Variants in PDE1C observed in about 807,000 individuals in gnomAD.
The protein encoded by PDE1C is dual specificity calcium/calmodulin-dependent 3',5'-cyclic nucleotide phosphodiesterase 1C.
PDE1C carries 62 observed loss-of-function variants against 93.1 expected under a neutral mutation model. The observed-to-expected ratio is 0.67, with a 90% CI of 0.54 to 0.82. The LOEUF is 0.82. Ranked by LOEUF, PDE1C falls within the 40% of genes least tolerant of loss-of-function variation. The pLI, the probability that PDE1C is intolerant of heterozygous loss-of-function variation, is 0.00. For missense variants in PDE1C, 742 were observed against 884.6 expected (o/e 0.84, Z 2.04); for synonymous variants, 325 against 310.1 (o/e 1.05, Z -0.50).
the PDE1C span, among the ~76,000 whole-genome samples, chr7:31,724,132 C>T: frequency 1.9e-4 from 29 of 152,168 alleles, no homozygotes. Flanking sequence ...GTGCTGTTAT[C>T]CTGGCAACCA....
At chr7:31,794,713 C>T (rs1360163796) in intron 16 of PDE1C, among the ~76,000 whole-genome samples, 1 of 152,074 alleles carries the variant, frequency 6.6e-6, no homozygotes, top group South Asian at 2.1e-4. Flanking sequence ...GTCAACATCC[C>T]TGATTCACAG....
At chr7:32,302,291 G>A (rs555654797), upstream of PDE1C, among the ~76,000 whole-genome samples, 2 of 152,260 alleles carry the variant, frequency 1.3e-5, no homozygotes, top group Admixed American at 6.5e-5. Flanking sequence ...ATTCTAACAA[G>A]GAAGGACTCA....
the PDE1C span, among the ~76,000 whole-genome samples, chr7:31,660,926 C>T: frequency 6.6e-6 from 1 of 151,720 alleles, no homozygotes; most frequent in Non-Finnish European, 1.5e-5. Flanking sequence ...TATGTACACA[C>T]ACATATATGC....
upstream of PDE1C, chr7:32,070,865 G>A (rs1795980198): frequency 1.0e-6 from 1 of 986,102 alleles, no homozygotes; most frequent in African/African-American, 1.7e-5. Context: ...GGGAGCCGGC[G>A]CGGGCGGTGG....
At chr7:31,947,586 G>A (rs770689431) in intron 2 of PDE1C, among the ~76,000 whole-genome samples, 1 of 152,134 alleles carries the variant, frequency 6.6e-6, no homozygotes, top group East Asian at 1.9e-4. Flanking sequence ...ATCATTCACT[G>A]CTGCTAAGCA....
chr7:32,286,091 T>C (rs1811981654), intron 1 of PDE1C, among the ~76,000 whole-genome samples: 1 of 152,192 alleles, frequency 6.6e-6, no homozygotes, highest in South Asian at 2.1e-4. Context: ...GAATGAGCGG[T>C]TGTTTGAGCT....
chr7:31,912,181 T>C (rs1563019349), intron 2 of PDE1C, among the ~76,000 whole-genome samples: 1 of 152,108 alleles, frequency 6.6e-6, no homozygotes, highest in Non-Finnish European at 1.5e-5. Flanking sequence ...AACCTATTAG[T>C]TCTGAAACAA....
chr7:31,775,226 T>C (rs540689223), intron 17 of PDE1C, among the ~76,000 whole-genome samples: 1 of 152,332 alleles, frequency 6.6e-6, no homozygotes, highest in Non-Finnish European at 1.5e-5. Context: ...CTAATTCTTA[T>C]CTTCTCCCAA....
intron 1 of PDE1C, among the ~76,000 whole-genome samples, chr7:32,281,159 A>G (rs1211484350): frequency 1.3e-5 from 2 of 152,192 alleles, no homozygotes; most frequent in Admixed American, 6.5e-5. Flanking sequence ...AGATGAAGTA[A>G]GGATTTAAAT....
intron 1 of PDE1C, among the ~76,000 whole-genome samples, chr7:32,358,778 T>C (rs79308604): frequency 0.019 from 2,934 of 152,268 alleles, 108 homozygotes; most frequent in African/African-American, 0.066. Flanking sequence ...CAGGATCATA[T>C]AGTTGGCAAA....
At chr7:32,317,561 T>TA (rs1783201442) in intron 1 of PDE1C, among the ~76,000 whole-genome samples, 2 of 151,920 alleles carry the variant, frequency 1.3e-5, no homozygotes, top group Non-Finnish European at 1.5e-5. Context: ...ATAAGAGTGA[T>TA]AAAAAGACAT....
At chr7:31,666,241 A>C in the PDE1C span, among the ~76,000 whole-genome samples, 8 of 152,238 alleles carry the variant, frequency 5.3e-5, no homozygotes, top group African/African-American at 1.4e-4. Flanking sequence ...AATCCAATGA[A>C]GAAAACTGAA....
chr7:32,015,195 T>C (rs1033708668), intron 2 of PDE1C, among the ~76,000 whole-genome samples: 3 of 152,230 alleles, frequency 2.0e-5, no homozygotes, highest in African/African-American at 7.2e-5. Flanking sequence ...ATTAAACCTC[T>C]TCCCTTTATA....
intron 9 of PDE1C, among the ~76,000 whole-genome samples, chr7:31,838,517 T>A (rs1384810014): frequency 6.6e-6 from 1 of 152,274 alleles, no homozygotes; most frequent in African/African-American, 2.4e-5. Context: ...GAATCAATAT[T>A]GATACATTAT....
intron 2 of PDE1C, among the ~76,000 whole-genome samples, chr7:32,205,919 T>G (rs931405644): frequency 3.3e-5 from 5 of 152,136 alleles, no homozygotes; most frequent in African/African-American, 1.2e-4. Flanking sequence ...AGGAACAAAC[T>G]ATGGACACAC....
At chr7:32,405,589 T>G (rs1785037726) in intron 1 of PDE1C, among the ~76,000 whole-genome samples, 1 of 152,114 alleles carries the variant, frequency 6.6e-6, no homozygotes, top group African/African-American at 2.4e-5. Flanking sequence ...AGAACTTCTT[T>G]TAGCGTGCTC....
chr7:32,374,938 G>A (rs953771471), intron 1 of PDE1C, among the ~76,000 whole-genome samples: 1 of 152,100 alleles, frequency 6.6e-6, no homozygotes, highest in Non-Finnish European at 1.5e-5. Flanking sequence ...AACTCTGATG[G>A]TGGACAAGCA....
intron 1 of PDE1C, among the ~76,000 whole-genome samples, chr7:32,409,923 A>G (rs1377579087): frequency 6.6e-6 from 1 of 152,054 alleles, no homozygotes; most frequent in African/African-American, 2.4e-5. Context: ...AGATTCTAAT[A>G]AAAGTCAGAA....
At chr7:32,280,391 A>G (rs761595375) in intron 1 of PDE1C, among the ~76,000 whole-genome samples, 4 of 152,234 alleles carry the variant, frequency 2.6e-5, no homozygotes, top group Non-Finnish European at 5.9e-5. Context: ...ATTCTTTAAT[A>G]AACAAATTGT....
Sources: gnomAD v4.1 joint callset for allele counts (sites outside exome capture counted in the v4.1 genomes callset) on GRCh38, gnomAD v4.1.1 for gene constraint, MANE v1.5 for transcripts, NCBI Gene and HGNC (gene_info 2026-07-23, HGNC 2026-07-21) for gene names.